Variants in KNTC1 observed in about 807,000 individuals in gnomAD.
KNTC1 encodes kinetochore-associated protein 1.
KNTC1 carries 253 observed loss-of-function variants against 314.4 expected under a neutral mutation model. The ratio of observed to expected loss-of-function variants is 0.80; its 90% CI spans 0.73 to 0.89. The LOEUF (loss-of-function observed/expected upper bound fraction) is 0.89, where lower values mean the gene tolerates loss of function less well. Ranked by LOEUF, KNTC1 falls within the 40% of genes least tolerant of loss-of-function variation. The pLI is 0.00. For synonymous variants in KNTC1, 901 were observed against 901.4 expected, an observed-to-expected ratio of 1.00 and a Z score of 0.01; for missense variants, 2,475 against 2,572.9, an observed-to-expected ratio of 0.96 and a Z score of 0.82.
At chr12:122,585,224 C>T (rs1273086240) in intron 36 of KNTC1, among the ~76,000 whole-genome samples, 2 of 151,696 alleles carry the variant, frequency 1.3e-5, no homozygotes, top group African/African-American at 4.8e-5. Flanking sequence ...TTTTTTTTTG[C>T]AGAGACAGGG....
chr12:122,565,666 CGCTTCCCAGGAGTTCAAGACCA>C (rs1565962277), intron 20 of KNTC1, among the ~76,000 whole-genome samples: 1 of 151,916 alleles, frequency 6.6e-6, no homozygotes, highest in Non-Finnish European at 1.5e-5. Context: ...GTAGGCGGAT[CGCTTCCCAGGAGTTCAAGACCA>C]GCTTGGGCAA....
At chr12:122,569,310 G>A (rs968918371) in intron 21 of KNTC1, among the ~76,000 whole-genome samples, 1 of 152,118 alleles carries the variant, frequency 6.6e-6, no homozygotes, top group African/African-American at 2.4e-5. Flanking sequence ...TGCTTGTCTC[G>A]ATCCCTTTAA....
intron 18 of KNTC1, among the ~76,000 whole-genome samples, chr12:122,561,464 T>A (rs952128805): frequency 2.0e-5 from 3 of 152,106 alleles, no homozygotes; most frequent in African/African-American, 7.2e-5. Context: ...ATTTGTAATT[T>A]TTTTTTTGAA....
At chr12:122,530,506 A>G (rs1188383785) in intron 2 of KNTC1, among the ~76,000 whole-genome samples, 1 of 149,966 alleles carries the variant, frequency 6.7e-6, no homozygotes, top group African/African-American at 2.5e-5. Context: ...GCTGGAGTGC[A>G]GTGGTGTGAT....
At chr12:122,602,964 G>A in intron 47 of KNTC1, 63 bp from the exon 48 acceptor site, 1 of 1,558,642 alleles carries the variant, frequency 6.4e-7, no homozygotes. Context: ...TTTTTCTGCT[G>A]CTTTCATGTA....
chr12:122,578,753 A>G (rs186074909), intron 31 of KNTC1, among the ~76,000 whole-genome samples: 5 of 151,932 alleles, frequency 3.3e-5, no homozygotes, highest in Non-Finnish European at 4.4e-5. Flanking sequence ...AAGGATAGAT[A>G]CCTCCCAACT....
chr12:122,544,220 T>C lies in KNTC1; in HGVS notation c.620T>C (p.Leu207Pro). Reference sequence around the variant, plus strand: ...GAAAATTATCATACTCTTGGTTGTCTCAGTCTTGTGGCTGGAGATTTAGCA... The same window carrying C: ...GAAAATTATCATACTCTTGGTTGTCCCAGTCTTGTGGCTGGAGATTTAGCA... ...STENYHTLGCLSLVAGDLASE... is the reference protein window; with the variant it reads ...STENYHTLGCPSLVAGDLASE... Residue 207 changes from leucine to proline, a missense_variant, in exon 8 of 64, where the codon CTC becomes CCC. Leu to Pro is a moderately conservative substitution (Grantham distance 98). Coordinates refer to ENST00000333479, the MANE Select transcript of KNTC1 (RefSeq NM_014708.6). 4 of 1,588,602 alleles carry C rather than the reference T, an allele frequency of 2.5e-6. No individual in the cohort carries two copies. Among genetic ancestry groups the C allele is most frequent in the Non-Finnish European group, 3.4e-6 (4 of 1,172,012 alleles).
intron 12 of KNTC1, among the ~76,000 whole-genome samples, 200 bp from the exon 13 acceptor site, chr12:122,549,564 CTG>C (rs1963045813): frequency 6.6e-6 from 1 of 152,068 alleles, no homozygotes; most frequent in Admixed American, 6.6e-5. Flanking sequence ...CAGGGTTTCA[CTG>C]TGTTGCCCAG....
intron 43 of KNTC1, 38 bp from the exon 44 acceptor site, chr12:122,597,693 A>C (rs1434843799): frequency 6.5e-7 from 1 of 1,545,884 alleles, no homozygotes; most frequent in Admixed American, 1.7e-5. Context: ...AAATGCCTGC[A>C]GTTTGGGAGA....
intron 33 of KNTC1, among the ~76,000 whole-genome samples, chr12:122,581,728 C>T (rs1255210234): frequency 6.6e-6 from 1 of 152,092 alleles, no homozygotes; most frequent in Non-Finnish European, 1.5e-5. Flanking sequence ...CTCCTGGCCT[C>T]AAGCGATCTG....
chr12:122,592,803 C>T (rs11058862), intron 42 of KNTC1: 57,032 of 152,004 alleles, frequency 0.38, 10,910 homozygotes, highest in Admixed American at 0.42. Context: ...GCAGGCTGCC[C>T]GAGTCAGCAC....
At chr12:122,572,909 G>A (rs373110079) in intron 24 of KNTC1, 28 bp from the exon 25 acceptor site, 36 of 1,444,244 alleles carry the variant, frequency 2.5e-5, no homozygotes, top group African/African-American at 1.7e-4. Context: ...ATTTTATATC[G>A]TTAACAACTT....
chr12:122,567,770 A>G (rs1271867931), intron 20 of KNTC1, among the ~76,000 whole-genome samples: 2 of 152,116 alleles, frequency 1.3e-5, no homozygotes, highest in African/African-American at 4.8e-5. Flanking sequence ...CTCAGGAGAC[A>G]AAGGTTGCAG....
chr12:122,559,145 G>A (rs1340133462), intron 18 of KNTC1, among the ~76,000 whole-genome samples: 3 of 152,160 alleles, frequency 2.0e-5, no homozygotes, highest in South Asian at 2.1e-4. Flanking sequence ...TCAGGAGATC[G>A]AGACCATTGT....
Position 122,562,637 on chromosome 12 carries a change from G to A in KNTC1, c.1543-1G>A. 1 of 1,567,274 alleles carries A rather than the reference G, an allele frequency of 6.4e-7. No homozygotes were observed. The highest frequency in any genetic ancestry group is 8.8e-7 in the Non-Finnish European group (1 of 1,139,082). On this transcript the variant is annotated splice_acceptor_variant, in intron 19 of 63. Coordinates refer to ENST00000333479, the MANE Select transcript of KNTC1 (RefSeq NM_014708.6). LOFTEE classifies it high-confidence loss of function. Reference sequence around the variant, plus strand: ...AGATTATTAAATTATTTTTTCTTCAGGTGCTAAGAGCTCATGCAAAATTGA... The same window carrying A: ...AGATTATTAAATTATTTTTTCTTCAAGTGCTAAGAGCTCATGCAAAATTGA...
At chr12:122,589,769 C>A (rs1296324738) in intron 40 of KNTC1, among the ~76,000 whole-genome samples, 2 of 149,238 alleles carry the variant, frequency 1.3e-5, no homozygotes, top group Non-Finnish European at 3.0e-5. Context: ...TGTGCCCGGG[C>A]CCCCCAATTT....
At chr12:122,592,520 T>C (rs920324795) in intron 42 of KNTC1, among the ~76,000 whole-genome samples, 1 of 152,174 alleles carries the variant, frequency 6.6e-6, no homozygotes, top group Non-Finnish European at 1.5e-5. Flanking sequence ...ATTCTTTATA[T>C]CTAGCTCAGG....
Position 122,626,328 on chromosome 12 carries a change from A to G in KNTC1, c.*100A>G. On this transcript the variant is annotated 3_prime_UTR_variant, in exon 64 of 64. Coordinates refer to ENST00000333479, the MANE Select transcript of KNTC1 (RefSeq NM_014708.6). ...TTAAATTGTACAATCTCTGTATTAT[A>G]GCTATTTGTCTAACATTACCCCACA... 1.2e-6 allele frequency: 1 copy of G among 819,624 alleles called. No individual in the cohort carries two copies. The highest frequency in any genetic ancestry group is 1.7e-5 in the African/African-American group (1 of 58,230). The allele number at this position is 819,624 out of a possible 1,614,324, so 50.8% of individuals were successfully genotyped here.
chr12:122,582,265 A>C (rs545260720), intron 33 of KNTC1, among the ~76,000 whole-genome samples: 11 of 152,122 alleles, frequency 7.2e-5, no homozygotes, highest in Non-Finnish European at 1.3e-4. Context: ...AAAAATAACA[A>C]AAATTAGCTG....
Sources: gnomAD v4.1 joint callset for allele counts (sites outside exome capture counted in the v4.1 genomes callset) on GRCh38, gnomAD v4.1.1 for gene constraint, MANE v1.5 for transcripts, NCBI Gene and HGNC (gene_info 2026-07-23, HGNC 2026-07-21) for gene names.